The following C17orf67 variants were observed in gnomAD, a reference collection of about 807,000 sequenced individuals.
C17orf67 encodes uncharacterized protein C17orf67.
Under a neutral mutation model 11.2 loss-of-function variants are expected in C17orf67, and 12 were observed. The observed-to-expected ratio is 1.07, with a 90% CI of 0.68 to 1.73. The LOEUF is 1.73. Among genes scored for constraint, C17orf67 ranks in the 40% most tolerant of loss-of-function variants. The probability of loss-of-function intolerance (pLI) is 0.00; values close to 1 mark genes in which losing one functional copy is unlikely to be tolerated. For synonymous variants in C17orf67, 59 were observed against 46.9 expected (o/e 1.26, Z -1.05); for missense variants, 115 against 113.5 (o/e 1.01, Z -0.06).
At chr17:56,826,563 C>G (rs1598000591) in intron 2 of C17orf67, among the ~76,000 whole-genome samples, 1 of 152,204 alleles carries the variant, frequency 6.6e-6, no homozygotes. Context: ...ACTTCAGCCT[C>G]CAAACTCAAA....
At chr17:56,817,634 T>C (rs1308784111) in intron 4 of C17orf67, among the ~76,000 whole-genome samples, 1 of 151,986 alleles carries the variant, frequency 6.6e-6, no homozygotes, top group African/African-American at 2.4e-5. Flanking sequence ...TTTTTCTTCC[T>C]TGCAGAGATA....
intron 6 of C17orf67, among the ~76,000 whole-genome samples, chr17:56,814,470 C>T (rs992903207): frequency 6.6e-6 from 1 of 152,104 alleles, no homozygotes; most frequent in Non-Finnish European, 1.5e-5. Context: ...AGAGATTCTC[C>T]CTGCCTGGAC....
Position 56,796,153 on chromosome 17 carries a change from T to C in C17orf67, c.157-973A>G, listed in dbSNP as rs117339728. 8.5e-4 allele frequency among the ~76,000 whole-genome samples: 130 copies of C among 152,310 alleles called. 1 individual carries two copies. The East Asian group carries it at 0.024, about 28-fold the overall frequency. ...GTTCCTTACAATATTAAACCTAGAA[T>C]TACCATTCGTACTCCTGGCTAGCAA... On this transcript the variant is annotated intron_variant, in intron 6 of 7. Transcript: ENST00000397861.
chr17:56,795,119 C>G lies in C17orf67; in HGVS notation c.218G>C (p.Trp73Ser), dbSNP rs148745959. The G allele has an allele frequency of 6.2e-7, 1 of 1,614,140 alleles. No individual in the cohort carries two copies. The highest frequency in any genetic ancestry group is 2.2e-5 in the East Asian group (1 of 44,884). ...GTGGGGTTTGCAGTGAGGGTTCAGCCAGTGCTCCAGGAACTGCTCCTCAGC... is the reference window on the plus strand; with the variant it reads ...GTGGGGTTTGCAGTGAGGGTTCAGCGAGTGCTCCAGGAACTGCTCCTCAGC... The part of the protein sequence containing the change: ...HRAEEQFLEH[W>S]LNPHCKPHCD... The change falls in exon 7 of 8, where the codon TGG (tryptophan) becomes TCG (serine). Residue 73 changes from tryptophan (W) to serine (S), a missense_variant. Physicochemically the swap from Trp to Ser is radical, Grantham distance 177. Coordinates refer to ENST00000397861, the MANE Select transcript of C17orf67 (RefSeq NM_001085430.4).
chr17:56,795,512 T>A (rs1325818409), intron 6 of C17orf67, among the ~76,000 whole-genome samples: 1 of 152,220 alleles, frequency 6.6e-6, no homozygotes, highest in Non-Finnish European at 1.5e-5. Context: ...TCAAACTTTA[T>A]CAGATATCAG....
chr17:56,813,402 C>G (rs573629342), intron 6 of C17orf67, among the ~76,000 whole-genome samples: 5 of 152,124 alleles, frequency 3.3e-5, no homozygotes, highest in Non-Finnish European at 7.4e-5. Context: ...TTCCTCTTCC[C>G]CTGCCCACCT....
In C17orf67 at chr17:56,799,654, T is replaced by G. The variant is rs541700982; in HGVS notation, c.157-4474A>C. On this transcript the variant is annotated intron_variant, in intron 6 of 7. Transcript: ENST00000397861. ...CTGGTTTTGTAAGAAACTGCCAAACTGTCTTCCAAAGTAGCTGCACCATTT... is the reference window on the plus strand; with the variant it reads ...CTGGTTTTGTAAGAAACTGCCAAACGGTCTTCCAAAGTAGCTGCACCATTT... 5.9e-5 allele frequency among the ~76,000 whole-genome samples: 9 copies of G among 152,330 alleles called. No individual in the cohort carries two copies. The South Asian group carries it at 1.9e-3, about 32-fold the overall frequency.
chr17:56,820,067 A>C (rs139207159), intron 4 of C17orf67, among the ~76,000 whole-genome samples: 264 of 152,360 alleles, frequency 1.7e-3, no homozygotes, highest in African/African-American at 6.1e-3. Context: ...AAAGCGGTAC[A>C]GTAAGTCCTC....
At chr17:56,803,337 T>TA (rs1376969740) in intron 6 of C17orf67, among the ~76,000 whole-genome samples, 1 of 152,246 alleles carries the variant, frequency 6.6e-6, no homozygotes, top group Non-Finnish European at 1.5e-5. Flanking sequence ...TTTGGAAAAC[T>TA]TACATCTGCT....
chr17:56,825,233 A>T lies in C17orf67; in HGVS notation c.-468T>A, dbSNP rs1327336545. ...GCGGTACCCTAAATGGTTGAAGAGC[A>T]TCACAAACTTTGGCATCAGATAAAC... is the stretch of plus-strand genomic sequence containing the variant. On this transcript the variant is annotated 5_prime_UTR_variant, in exon 3 of 8. It removes an upstream start codon present in the reference 5' UTR. Coordinates refer to ENST00000397861, the MANE Select transcript of C17orf67 (RefSeq NM_001085430.4). 6.6e-6 allele frequency: 1 copy of T among 152,240 alleles called. No homozygotes were observed. The highest frequency in any genetic ancestry group is 1.5e-5 in the Non-Finnish European group (1 of 68,052). 9.4% of individuals were successfully genotyped at this position (152,240 alleles called of 1,614,324 possible). A position where few individuals can be genotyped will look rare whatever the true frequency, so the allele number is the denominator to read the frequency against.
intron 7 of C17orf67, among the ~76,000 whole-genome samples, chr17:56,794,516 C>T (rs1004133014): frequency 1.3e-5 from 2 of 152,100 alleles, no homozygotes; most frequent in African/African-American, 4.8e-5. Flanking sequence ...GGGCAGTACC[C>T]TGCTGGTGGG....
intron 6 of C17orf67, chr17:56,804,093 G>A (rs1003569166): frequency 6.6e-6 from 1 of 152,178 alleles, no homozygotes; most frequent in Admixed American, 6.5e-5. Flanking sequence ...AAGTGGGGGG[G>A]TGTAAATCAA....
intron 4 of C17orf67, among the ~76,000 whole-genome samples, chr17:56,822,076 T>A (rs978820166): frequency 6.6e-6 from 1 of 152,232 alleles, no homozygotes; most frequent in Non-Finnish European, 1.5e-5. Context: ...CCGGTCTATT[T>A]CAGCTGACTT....
chr17:56,795,314 AC>A, intron 6 of C17orf67, 134 bp from the exon 7 acceptor site: 4 of 739,016 alleles, frequency 5.4e-6, no homozygotes. Context: ...CAACGGCCAC[AC>A]CCATGCCTCT....
At chr17:56,806,682 C>G (rs1905460308) in intron 6 of C17orf67, among the ~76,000 whole-genome samples, 1 of 152,196 alleles carries the variant, frequency 6.6e-6, no homozygotes. Context: ...CATGCCACCC[C>G]ACCTGACCAG....
chr17:56,813,578 T>C (rs1344737247), intron 6 of C17orf67, among the ~76,000 whole-genome samples: 2 of 148,470 alleles, frequency 1.3e-5, no homozygotes, highest in East Asian at 3.9e-4. Context: ...AAAAAAAAAA[T>C]TAAAAGCCAC....
At chr17:56,797,041 C>T (rs1052396564) in intron 6 of C17orf67, among the ~76,000 whole-genome samples, 5 of 152,184 alleles carry the variant, frequency 3.3e-5, no homozygotes, top group African/African-American at 9.6e-5. Flanking sequence ...CTCCTTCCCC[C>T]ACTCCTCCCA....
chr17:56,824,915 G>C (rs1905989158), intron 3 of C17orf67, 62 bp from the exon 4 acceptor site: 1 of 152,182 alleles, frequency 6.6e-6, no homozygotes, highest in African/African-American at 2.4e-5. Flanking sequence ...CTTCTGATGG[G>C]GGAGAAGGTG....
intron 6 of C17orf67, among the ~76,000 whole-genome samples, chr17:56,805,966 TTTTCC>T: frequency 8.0e-6 from 1 of 124,474 alleles, no homozygotes; most frequent in Non-Finnish European, 1.7e-5. Flanking sequence ...CTACAGTTGA[TTTTCC>T]TTTTTTTTTT....
Sources: gnomAD v4.1 joint callset for allele counts (sites outside exome capture counted in the v4.1 genomes callset) on GRCh38, gnomAD v4.1.1 for gene constraint, MANE v1.5 for transcripts, NCBI Gene and HGNC (gene_info 2026-07-23, HGNC 2026-07-21) for gene names.